The following APMAP variants were observed in gnomAD, a reference collection of about 807,000 sequenced individuals.
APMAP encodes adipocyte plasma membrane-associated protein.
In APMAP, 33 loss-of-function variants were observed where a neutral mutation model predicts 43.6. The ratio of observed to expected loss-of-function variants is 0.76; its 90% confidence interval spans 0.57 to 1.01. The LOEUF is 1.01. Among genes scored for constraint, APMAP ranks in the 50% least tolerant of loss-of-function variants. APMAP has a pLI of 0.00. For synonymous variants in APMAP, 224 were observed against 216.7 expected (o/e 1.03, Z -0.30); for missense variants, 498 against 540.7 (o/e 0.92, Z 0.78).
At chr20:24,974,108 T>A (rs1424557622) in intron 3 of APMAP, 1 of 163,462 alleles carries the variant, frequency 6.1e-6, no homozygotes, top group East Asian at 1.7e-4. Flanking sequence ...CTGATATTGA[T>A]TATATCCAAC....
chr20:24,973,500 C>T (rs2088022969), intron 4 of APMAP, 145 bp downstream of exon 4: 6 of 735,626 alleles, frequency 8.2e-6, no homozygotes, highest in Non-Finnish European at 1.1e-5. Flanking sequence ...ATGAAGAGCT[C>T]GTAGTGACGT....
chr20:24,974,530 T>C (rs1407433993), intron 3 of APMAP, among the ~76,000 whole-genome samples: 1 of 152,174 alleles, frequency 6.6e-6, no homozygotes, highest in African/African-American at 2.4e-5. Context: ...GGTCTAAATA[T>C]ACCAACTGAA....
At chr20:24,992,013 C>T (rs547773725) in intron 1 of APMAP, among the ~76,000 whole-genome samples, 1 of 152,326 alleles carries the variant, frequency 6.6e-6, no homozygotes, top group East Asian at 1.9e-4. Flanking sequence ...CTACTGTTCT[C>T]CACTCTTTCC....
At chr20:24,973,205 G>T (rs2088020681) in intron 4 of APMAP, among the ~76,000 whole-genome samples, 1 of 152,164 alleles carries the variant, frequency 6.6e-6, no homozygotes, top group Non-Finnish European at 1.5e-5. Context: ...TCCAAAATTT[G>T]AATGACTTAA....
chr20:24,974,521 G>T (rs2088034416), intron 3 of APMAP, among the ~76,000 whole-genome samples: 1 of 152,090 alleles, frequency 6.6e-6, no homozygotes, highest in South Asian at 2.1e-4. Flanking sequence ...AACATAAATG[G>T]TCTAAATATA....
chr20:24,985,982 G>A (rs972983931), intron 1 of APMAP, among the ~76,000 whole-genome samples: 24 of 152,146 alleles, frequency 1.6e-4, no homozygotes, highest in Admixed American at 1.4e-3. Context: ...TGGCTGAATC[G>A]CGTCCTGCAG....
Position 24,986,569 on chromosome 20 carries a change from C to T in APMAP, c.96-2550G>A, listed in dbSNP as rs553177261. ...AAAATGTCTACAAAGCACAGAACTA[C>T]GACCTGACATGACGGCAGGCTCATG... On this transcript the variant is annotated intron_variant, in intron 1 of 8. Coordinates refer to ENST00000217456, the MANE Select transcript of APMAP (RefSeq NM_020531.3). Among the ~76,000 whole-genome samples the T allele has an allele frequency of 3.9e-5, 6 of 152,320 alleles. No individual in the cohort carries two copies. The East Asian group carries it at 5.8e-4, about 15-fold the overall frequency.
chr20:24,968,940 C>A lies in APMAP; in HGVS notation c.993G>T (p.Met331Ile), dbSNP rs375838142. The change falls in exon 8 of 9, where the codon ATG becomes ATT. Residue 331 changes from methionine (M) to isoleucine (I), a missense_variant. Physicochemically the swap from Met to Ile is conservative, Grantham distance 10. Transcript: ENST00000217456. Reference protein sequence around the residue: ...STIRPNPGFSMLDFLSERPWI... With the variant: ...STIRPNPGFSILDFLSERPWI... ...AGGGTCTCTCAGATAAGAAATCCAG[C>A]ATGGAAAACCCAGGGTTAGGGCGGA... 1.2e-6 allele frequency: 2 copies of A among 1,612,192 alleles called. No homozygotes were observed. The highest frequency in any genetic ancestry group is 1.7e-6 in the Non-Finnish European group (2 of 1,179,150).
intron 3 of APMAP, among the ~76,000 whole-genome samples, chr20:24,975,143 A>G (rs2088040204): frequency 6.6e-6 from 1 of 152,110 alleles, no homozygotes; most frequent in African/African-American, 2.4e-5. Flanking sequence ...CCCTATCACC[A>G]CTCCTTTTCA....
intron 3 of APMAP, among the ~76,000 whole-genome samples, chr20:24,977,610 C>T (rs2088061352): frequency 6.6e-6 from 1 of 152,064 alleles, no homozygotes; most frequent in Non-Finnish European, 1.5e-5. Context: ...ATGTCACCAG[C>T]TCATCAAAGA....
chr20:24,975,685 T>C (rs75229351), intron 3 of APMAP, among the ~76,000 whole-genome samples: 5,605 of 152,190 alleles, frequency 0.037, 385 homozygotes, highest in African/African-American at 0.13. Context: ...CTAAAGTTCA[T>C]ATGGAGAGGG....
intron 1 of APMAP, among the ~76,000 whole-genome samples, chr20:24,989,707 T>C (rs756139786): frequency 6.6e-6 from 1 of 152,196 alleles, no homozygotes; most frequent in Non-Finnish European, 1.5e-5. Context: ...GGCTCCTAGA[T>C]TCATCAATTT....
intron 3 of APMAP, among the ~76,000 whole-genome samples, chr20:24,975,476 C>T (rs1186052107): frequency 6.6e-5 from 10 of 152,062 alleles, no homozygotes; most frequent in East Asian, 1.9e-4. Flanking sequence ...ATAATATACA[C>T]GAGGTCTATA....
intron 1 of APMAP, among the ~76,000 whole-genome samples, chr20:24,985,684 G>A (rs1385187552): frequency 2.0e-5 from 3 of 152,220 alleles, no homozygotes; most frequent in Non-Finnish European, 4.4e-5. Context: ...TGTGGAAGTA[G>A]CTTTGGAATA....
chr20:24,988,956 A>G lies in APMAP; in HGVS notation c.95+3638T>C, dbSNP rs144778480. 8.5e-5 allele frequency among the ~76,000 whole-genome samples: 13 copies of G among 152,308 alleles called. No individual in the cohort carries two copies. The East Asian group carries it at 2.5e-3, about 29-fold the overall frequency. On this transcript the variant is annotated intron_variant, in intron 1 of 8. Coordinates refer to ENST00000217456, the MANE Select transcript of APMAP (RefSeq NM_020531.3). ...GTTAGCTTGTTATATAAATGAGGTA[A>G]GCACAGCTCCTGGACCCCTGCTCTG...
At chr20:24,971,815 C>T (rs768214125) in intron 4 of APMAP, among the ~76,000 whole-genome samples, 2 of 150,330 alleles carry the variant, frequency 1.3e-5, no homozygotes, top group Non-Finnish European at 3.0e-5. Context: ...GCAGGGTGTT[C>T]ACTGTGGGGT....
At chr20:24,977,819 C>T (rs570704607) in intron 3 of APMAP, among the ~76,000 whole-genome samples, 24 of 152,302 alleles carry the variant, frequency 1.6e-4, no homozygotes, top group Admixed American at 1.2e-3. Flanking sequence ...CAAATAAATG[C>T]CAATGTCTTT....
intron 1 of APMAP, among the ~76,000 whole-genome samples, chr20:24,985,676 T>A (rs1568817829): frequency 6.6e-6 from 1 of 152,092 alleles, no homozygotes; most frequent in Non-Finnish European, 1.5e-5. Context: ...TAAAAAAATG[T>A]GGAAGTAGCT....
intron 1 of APMAP, 50 bp from the exon 2 acceptor site, chr20:24,984,069 A>C (rs755327675): frequency 6.7e-7 from 1 of 1,500,488 alleles, no homozygotes; most frequent in Non-Finnish European, 9.2e-7. Flanking sequence ...TCAGACAGTG[A>C]CAAGGTTGGC....
Sources: allele counts gnomAD v4.1 joint callset (sites outside exome capture counted in the v4.1 genomes callset), GRCh38; gene constraint gnomAD v4.1.1; transcripts MANE v1.5; gene names NCBI Gene and HGNC (gene_info 2026-07-23, HGNC 2026-07-21).